Variants in PKMYT1 observed in about 807,000 individuals in gnomAD.
The protein encoded by PKMYT1 is membrane-associated tyrosine- and threonine-specific cdc2-inhibitory kinase.
Under a neutral mutation model 49.7 loss-of-function variants are expected in PKMYT1, and 35 were observed. The observed-to-expected ratio is 0.70, with a 90% CI of 0.54 to 0.93. PKMYT1 has a LOEUF of 0.93. Ranked by LOEUF, PKMYT1 falls within the 40% of genes least tolerant of loss-of-function variation. PKMYT1 has a pLI of 0.00. For missense variants in PKMYT1, 677 were observed against 673.1 expected, an observed-to-expected ratio of 1.01 and a Z score of -0.06; for synonymous variants, 331 against 287.6, an observed-to-expected ratio of 1.15 and a Z score of -1.53.
Position 2,976,880 on chromosome 16 carries a change from C to T in PKMYT1, c.162G>A (p.Pro54=), listed in dbSNP as rs374098858. 3.3e-5 allele frequency: 50 copies of T among 1,532,488 alleles called. No homozygotes were observed. Among genetic ancestry groups the T allele is most frequent in the Admixed American group, 6.1e-5 (3 of 49,472 alleles). The allele number at this position is 1,532,488 out of a possible 1,614,324, so 94.9% of individuals were successfully genotyped here. The change falls in exon 3 of 9, where the codon CCG becomes CCA. Residue 54 remains proline, a synonymous_variant. Transcript: ENST00000262300. ...TGGGAATGCTGCCCTTGGCAGGGGGCGGAGGTGGGAGGCTCCGGCTGAGCC... is the reference window on the plus strand; with the variant it reads ...TGGGAATGCTGCCCTTGGCAGGGGGTGGAGGTGGGAGGCTCCGGCTGAGCC... The part of the protein sequence containing the change: ...PRGLSRSLPP[P]PPAKGSIPIS...
At chr16:2,973,523 AG>A in intron 7 of PKMYT1, 1 of 1,232,086 alleles carries the variant, frequency 8.1e-7, no homozygotes, top group Middle Eastern at 2.2e-4. Context: ...AAGTGCCCCG[AG>A]GGATGAGGTG....
At chr16:2,975,273 G>T in intron 4 of PKMYT1, 46 bp downstream of exon 4, 1 of 1,537,160 alleles carries the variant, frequency 6.5e-7, no homozygotes, top group Non-Finnish European at 8.8e-7. Context: ...GTCCCAGGAA[G>T]GGCCTCCCAC....
At chr16:2,974,457 C>G (rs754337063) in intron 5 of PKMYT1, 40 bp from the exon 6 acceptor site, 2 of 1,578,554 alleles carry the variant, frequency 1.3e-6, no homozygotes, top group Admixed American at 1.7e-5. Context: ...CCCAGAACAC[C>G]GACTGCACCC....
In PKMYT1 at chr16:2,979,808, C is replaced by T. The variant is rs1426783425; in HGVS notation, c.-151G>A. 8.3e-6 allele frequency: 7 copies of T among 839,590 alleles called. No individual in the cohort carries two copies. Among genetic ancestry groups the T allele is most frequent in the Non-Finnish European group, 1.3e-5 (7 of 520,426 alleles). 52.0% of individuals were successfully genotyped at this position (839,590 alleles called of 1,614,324 possible). A position where few individuals can be genotyped will look rare whatever the true frequency, so the allele number is the denominator to read the frequency against. On this transcript the variant is annotated 5_prime_UTR_variant, in exon 2 of 9. Transcript: ENST00000262300. Reference sequence around the variant, plus strand: ...GGGCGATCGGGCCGTCTCGCCTCACCCTCTCACCAGGCCCGACACATCTGC... The same window carrying T: ...GGGCGATCGGGCCGTCTCGCCTCACTCTCTCACCAGGCCCGACACATCTGC...
In PKMYT1 at chr16:2,975,387, C is replaced by T; in HGVS notation, c.804G>A (p.Glu268=). The T allele has an allele frequency of 6.2e-7, 1 of 1,613,160 alleles. No individual in the cohort carries two copies. The highest frequency in any genetic ancestry group is 1.7e-4 in the Middle Eastern group (1 of 6,060). The change falls in exon 4 of 9, where the codon GAG becomes GAA. Residue 268 remains glutamate (E), a synonymous_variant. Transcript: ENST00000262300. The part of the protein sequence containing the change: ...LGTAGAGEVQ[E]GDPRYMAPEL... The stretch of plus-strand genomic sequence containing the variant: ...CGGGGGCCATGTAGCGGGGGTCTCC[C>T]TCCTGGACCTCACCAGCTCCTGCTG...
chr16:2,973,341 C>T (rs1393283405), intron 7 of PKMYT1, 126 bp from the exon 8 acceptor site: 4 of 1,542,938 alleles, frequency 2.6e-6, no homozygotes, highest in Non-Finnish European at 3.5e-6. Context: ...CAGTCAGGGA[C>T]AATAAAAACT....
chr16:2,972,914 A>C lies in PKMYT1; in HGVS notation c.*39T>G, dbSNP rs2072037248. On this transcript the variant is annotated 3_prime_UTR_variant, in exon 9 of 9. Coordinates refer to ENST00000262300, the MANE Select transcript of PKMYT1 (RefSeq NM_004203.5). Reference sequence around the variant, plus strand: ...CTTTCAAGGGCGACGGGAGAGACACAGGATAAAAGGTTAAAAGTGCAGAGG... The same window carrying C: ...CTTTCAAGGGCGACGGGAGAGACACCGGATAAAAGGTTAAAAGTGCAGAGG... 1 of 1,568,212 alleles carries C rather than the reference A, an allele frequency of 6.4e-7. No individual in the cohort carries two copies.
At chr16:2,977,246 T>G in intron 2 of PKMYT1, 2 of 1,391,974 alleles carry the variant, frequency 1.4e-6, no homozygotes, top group Non-Finnish European at 1.9e-6. Context: ...TTAGAGATGA[T>G]AGAAACATAA....
chr16:2,979,691 CG>C lies in PKMYT1; in HGVS notation c.-35del, dbSNP rs770283312. On this transcript the variant is annotated 5_prime_UTR_variant, in exon 2 of 9. Coordinates refer to ENST00000262300, the MANE Select transcript of PKMYT1 (RefSeq NM_004203.5). ...TGGCCCAACAGCCTCAGTGGTGGGA[CG>C]GGGGAGGCAGGAGCAGGGGCTCCCA... 3.4e-5 allele frequency: 55 copies of C among 1,613,688 alleles called. No homozygotes were observed. In the African/African-American group the frequency reaches 6.9e-4, roughly 20 times the overall value.
chr16:2,978,537 G>A (rs917345815), intron 2 of PKMYT1, among the ~76,000 whole-genome samples: 6 of 152,000 alleles, frequency 3.9e-5, no homozygotes, highest in African/African-American at 1.5e-4. Flanking sequence ...CACCTGAGGT[G>A]AGGAGTTCGA....
chr16:2,975,229 G>C, intron 4 of PKMYT1, 90 bp downstream of exon 4: 2 of 1,408,840 alleles, frequency 1.4e-6, no homozygotes, highest in South Asian at 1.4e-5. Flanking sequence ...TCCTGGGCTA[G>C]GGTGGAGCTT....
At position 2,974,598 on chromosome 16, in the gene PKMYT1, C is replaced by T; in HGVS notation, c.931G>A (p.Gly311Ser). ...CNMELPHGGEGWQQLRQGYLP... is the reference protein window; with the variant it reads ...CNMELPHGGESWQQLRQGYLP... ...TAGCCCTGGCGCAGCTGCTGCCAGC[C>T]CTCCCCACCGTGGGGCAGCTCCATG... The change falls in exon 5 of 9, where the codon GGC (glycine) becomes AGC (serine). Residue 311 changes from glycine to serine, a missense_variant. Physicochemically the swap from Gly to Ser is moderately conservative, Grantham distance 56. Transcript: ENST00000262300. The T allele has an allele frequency of 6.3e-7, 1 of 1,584,286 alleles. No homozygotes were observed. The highest frequency in any genetic ancestry group is 2.3e-5 in the East Asian group (1 of 43,726).
At chr16:2,975,953 G>C in intron 3 of PKMYT1, 141 bp from the exon 4 acceptor site, 1 of 876,114 alleles carries the variant, frequency 1.1e-6, no homozygotes, top group Admixed American at 2.8e-5. Context: ...TCAGACCCCT[G>C]CCCAGGGTAA....
Position 2,973,138 on chromosome 16 carries a change from C to T in PKMYT1, c.1388G>A (p.Arg463Lys), listed in dbSNP as rs745853549. The T allele has an allele frequency of 1.9e-6, 3 of 1,552,972 alleles. No homozygotes were observed. The highest frequency in any genetic ancestry group is 2.6e-6 in the Non-Finnish European group (3 of 1,143,900). Residue 463 changes from arginine (R) to lysine (K), a missense_variant and splice_region_variant, in exon 8 of 9, where the codon AGG becomes AAG. Coordinates refer to ENST00000262300, the MANE Select transcript of PKMYT1 (RefSeq NM_004203.5). ...TSTPRSRCTP[R>K]DALDLSDINS... ...CACCCCAGCCCCTGGACCTGCTTAC[C>T]TGGGTGTGCACCTGCTCCGGGGGGT...
At position 2,974,033 on chromosome 16, in the gene PKMYT1, C is replaced by T; in HGVS notation, c.1277G>A (p.Ser426Asn). Reference protein sequence around the residue: ...SPPCSLLLDSSLSSNWDDDSL... With the variant: ...SPPCSLLLDSNLSSNWDDDSL... The stretch of plus-strand genomic sequence containing the variant: ...GTCGTCATCCCAGTTGCTGGAGAGG[C>T]TGCTGTCCAGGAGCAAACTGCAGGG... Residue 426 changes from serine to asparagine, a missense_variant, in exon 7 of 9, where the codon AGC (serine) becomes AAC (asparagine). Ser to Asn is a conservative substitution (Grantham distance 46). Coordinates refer to ENST00000262300, the MANE Select transcript of PKMYT1 (RefSeq NM_004203.5). The T allele has an allele frequency of 6.2e-7, 1 of 1,612,756 alleles. No individual in the cohort carries two copies. Among genetic ancestry groups the T allele is most frequent in the Non-Finnish European group, 8.5e-7 (1 of 1,179,928 alleles).
At position 2,979,724 on chromosome 16, in the gene PKMYT1, T is replaced by C. The variant is rs2072291885; in HGVS notation, c.-67A>G. 6.1e-5 allele frequency: 99 copies of C among 1,609,890 alleles called. 1 individual carries two copies. In the South Asian group the frequency reaches 1.0e-3, roughly 17 times the overall value. On this transcript the variant is annotated 5_prime_UTR_variant, in exon 2 of 9. Transcript: ENST00000262300. The stretch of plus-strand genomic sequence containing the variant: ...GCAGGAGCAGGGGCTCCCACGTGAA[T>C]CCAGGGTGTCCCTGAGCTAAGGCCA...
At chr16:2,977,967 C>A (rs138424791) in intron 2 of PKMYT1, among the ~76,000 whole-genome samples, 1 of 152,162 alleles carries the variant, frequency 6.6e-6, no homozygotes, top group African/African-American at 2.4e-5. Context: ...ATCTCAGGCC[C>A]GGCAGGCTGG....
At position 2,975,740 on chromosome 16, in the gene PKMYT1, G is replaced by C. The variant is rs2072172805; in HGVS notation, c.451C>G (p.Arg151Gly). The change falls in exon 4 of 9, where the codon CGG (arginine) becomes GGG (glycine). Residue 151 changes from arginine to glycine, a missense_variant. By Grantham distance (125) the Arg-to-Gly change is moderately radical (BLOSUM62 -2). Transcript: ENST00000262300. ...CCCACCTCGGCCAACTTGCGGGCCC[G>C]GTCCTTGGGGCCCCGGAATGGTGAC... ...SMSPFRGPKD[R>G]ARKLAEVGSH... 1.2e-6 allele frequency: 2 copies of C among 1,602,512 alleles called. No homozygotes were observed. The highest frequency in any genetic ancestry group is 1.7e-6 in the Non-Finnish European group (2 of 1,179,884).
intron 3 of PKMYT1, 45 bp from the exon 4 acceptor site, chr16:2,975,857 A>G: frequency 6.5e-7 from 1 of 1,547,898 alleles, no homozygotes; most frequent in Non-Finnish European, 8.7e-7. Flanking sequence ...GGTGAGCCAC[A>G]AGTGGCACAA....
Sources: gnomAD v4.1 joint callset for allele counts (sites outside exome capture counted in the v4.1 genomes callset) on GRCh38, gnomAD v4.1.1 for gene constraint, MANE v1.5 for transcripts, NCBI Gene and HGNC (gene_info 2026-07-23, HGNC 2026-07-21) for gene names.